Variants in LINGO2 observed in about 807,000 individuals in gnomAD.
LINGO2 encodes the protein leucine-rich repeat and immunoglobulin-like domain-containing nogo receptor-interacting protein 2.
In LINGO2, 14 loss-of-function variants were observed where a neutral mutation model predicts 30.6. The ratio of observed to expected loss-of-function variants is 0.46; its 90% CI spans 0.30 to 0.72. The LOEUF is 0.72. LINGO2 is among the 30% of genes least tolerant of loss of function. The pLI is 0.07. For missense variants in LINGO2, 729 were observed against 751.7 expected (o/e 0.97, Z 0.35); for synonymous variants, 317 against 288.5 (o/e 1.10, Z -1.00).
intron 3 of LINGO2, among the ~76,000 whole-genome samples, chr9:28,345,656 A>G (rs547877789): frequency 6.6e-6 from 1 of 152,286 alleles, no homozygotes; most frequent in East Asian, 1.9e-4. Flanking sequence ...TGAATTTTAG[A>G]TTGCCTTCAA....
At chr9:28,539,441 T>G (rs1315969211) in intron 1 of LINGO2, among the ~76,000 whole-genome samples, 1 of 151,982 alleles carries the variant, frequency 6.6e-6, no homozygotes, top group Non-Finnish European at 1.5e-5. Flanking sequence ...AAAATATAAA[T>G]GAACACACAT....
At chr9:28,513,483 T>C (rs1168074532) in intron 1 of LINGO2, among the ~76,000 whole-genome samples, 1 of 152,208 alleles carries the variant, frequency 6.6e-6, no homozygotes, top group Non-Finnish European at 1.5e-5. Context: ...ACTGATTACA[T>C]TTAAGTGCAT....
intron 5 of LINGO2, among the ~76,000 whole-genome samples, chr9:27,959,962 A>G (rs1341062601): frequency 1.3e-5 from 2 of 152,138 alleles, no homozygotes; most frequent in Non-Finnish European, 2.9e-5. Flanking sequence ...TATTAAGCAC[A>G]TGCTCGATTT....
chr9:28,189,249 AAGGGAGGAAGGAAGGG>A (rs1199960368), intron 4 of LINGO2, among the ~76,000 whole-genome samples: 1 of 105,358 alleles, frequency 9.5e-6, no homozygotes, highest in Non-Finnish European at 2.0e-5. Flanking sequence ...GGAAGGGAGG[AAGGGAGGAAGGAAGGG>A]AGGGAGGAAG....
At chr9:28,470,212 T>A (rs908988251) in intron 2 of LINGO2, among the ~76,000 whole-genome samples, 1 of 152,188 alleles carries the variant, frequency 6.6e-6, no homozygotes, top group African/African-American at 2.4e-5. Flanking sequence ...TCCTACAGAA[T>A]TGTACACTTG....
At chr9:28,058,447 A>G (rs902950890) in intron 4 of LINGO2, among the ~76,000 whole-genome samples, 3 of 152,184 alleles carry the variant, frequency 2.0e-5, no homozygotes, top group African/African-American at 7.2e-5. Flanking sequence ...AGGTATAAAA[A>G]TGACATAACT....
At chr9:28,879,904 A>AT in the LINGO2 span, among the ~76,000 whole-genome samples, 1 of 152,226 alleles carries the variant, frequency 6.6e-6, no homozygotes, top group Non-Finnish European at 1.5e-5. Context: ...GCCTATGTGT[A>AT]TAACTCTGAT....
the LINGO2 span, among the ~76,000 whole-genome samples, chr9:28,957,786 G>A: frequency 6.6e-6 from 1 of 152,100 alleles, no homozygotes; most frequent in Non-Finnish European, 1.5e-5. Context: ...AACATTTAGT[G>A]GGAAAACGCA....
Position 28,011,991 on chromosome 9 carries a change from TAATG to T in LINGO2, c.-36+360_-36+363del, listed in dbSNP as rs1272766551. 4.0e-5 allele frequency among the ~76,000 whole-genome samples: 6 copies of T among 150,816 alleles called. 1 individual carries two copies. The highest frequency in any genetic ancestry group is 1.2e-4 in the African/African-American group (5 of 40,190). ...TGGGTCACTCTTATAACCACAGCAT[TAATG>T]AATTTATTTCTTCATCTAGGGTGCA... On this transcript the variant is annotated intron_variant, in intron 5 of 5. Transcript: ENST00000379992.
chr9:28,326,595 T>C (rs1040691859), intron 3 of LINGO2, among the ~76,000 whole-genome samples: 1 of 152,212 alleles, frequency 6.6e-6, no homozygotes, highest in Non-Finnish European at 1.5e-5. Flanking sequence ...GTATGTTCCA[T>C]GAGATTAAGA....
At chr9:27,956,222 G>A (rs563743885) in intron 5 of LINGO2, among the ~76,000 whole-genome samples, 3 of 152,166 alleles carry the variant, frequency 2.0e-5, no homozygotes, top group Admixed American at 2.0e-4. Context: ...GATTACAGGC[G>A]TGAGTCACTG....
chr9:28,213,702 A>G (rs1396321555), intron 4 of LINGO2, among the ~76,000 whole-genome samples: 1 of 151,466 alleles, frequency 6.6e-6, no homozygotes, highest in Non-Finnish European at 1.5e-5. Context: ...CTTAATAAAA[A>G]TAAATATCTC....
chr9:28,397,543 C>CTTT (rs386414751), intron 2 of LINGO2, among the ~76,000 whole-genome samples: 1,852 of 109,980 alleles, frequency 0.017, 88 homozygotes, highest in African/African-American at 0.038. Context: ...CAATAGATGT[C>CTTT]TTTTTTTTTT....
chr9:28,836,257 C>T, the LINGO2 span, among the ~76,000 whole-genome samples: 18 of 152,180 alleles, frequency 1.2e-4, no homozygotes, highest in African/African-American at 4.3e-4. Flanking sequence ...TGTCTCTAAG[C>T]CCAGTTCTCA....
At chr9:28,003,773 T>C (rs1188890557) in intron 5 of LINGO2, among the ~76,000 whole-genome samples, 1 of 152,226 alleles carries the variant, frequency 6.6e-6, no homozygotes, top group African/African-American at 2.4e-5. Context: ...TAATCCTTGA[T>C]TATACCAATT....
chr9:28,265,339 A>G (rs1822710942), intron 4 of LINGO2, among the ~76,000 whole-genome samples: 1 of 151,894 alleles, frequency 6.6e-6, no homozygotes, highest in Admixed American at 6.6e-5. Context: ...GCTCCTTTCT[A>G]AATGTTGTCT....
intron 2 of LINGO2, among the ~76,000 whole-genome samples, chr9:28,430,324 C>T (rs1823611544): frequency 6.6e-6 from 1 of 152,154 alleles, no homozygotes; most frequent in South Asian, 2.1e-4. Context: ...AATCCCAGTC[C>T]CTACAGCATA....
At position 28,279,973 on chromosome 9, in the gene LINGO2, G is replaced by T. The variant is rs191109464; in HGVS notation, c.-87+15235C>A. 5.4e-3 allele frequency among the ~76,000 whole-genome samples: 820 copies of T among 152,154 alleles called. 5 individuals carry two copies. The highest frequency in any genetic ancestry group is 8.3e-3 in the Non-Finnish European group (565 of 67,992). On this transcript the variant is annotated intron_variant, in intron 4 of 5. Coordinates refer to ENST00000379992, the Ensembl canonical transcript of LINGO2. ...TGTTTTTATTTTGTCTCTGCACCTAGAAAGTAAGTTATCTTAGGACAGTCG... is the reference window on the plus strand; with the variant it reads ...TGTTTTTATTTTGTCTCTGCACCTATAAAGTAAGTTATCTTAGGACAGTCG...
chr9:28,387,793 A>G (rs1821653676), intron 2 of LINGO2, among the ~76,000 whole-genome samples: 1 of 152,002 alleles, frequency 6.6e-6, no homozygotes. Context: ...GAACTGTAAC[A>G]CTCACTGCGA....
Sources: gnomAD v4.1 joint callset for allele counts (sites outside exome capture counted in the v4.1 genomes callset) on GRCh38, gnomAD v4.1.1 for gene constraint, MANE v1.5 for transcripts, NCBI Gene and HGNC (gene_info 2026-07-23, HGNC 2026-07-21) for gene names.